The following PTBP3 variants were observed in gnomAD, a reference collection of about 807,000 sequenced individuals.
PTBP3 encodes polypyrimidine tract-binding protein 3.
Under a neutral mutation model 58.7 loss-of-function variants are expected in PTBP3, and 20 were observed. The ratio of observed to expected loss-of-function variants is 0.34; its 90% confidence interval spans 0.24 to 0.50. The LOEUF (loss-of-function observed/expected upper bound fraction) is 0.50, where lower values mean the gene tolerates loss of function less well. PTBP3 is among the 20% of genes least tolerant of loss of function. PTBP3 has a pLI of 0.98. For synonymous variants in PTBP3, 185 were observed against 219.8 expected, an observed-to-expected ratio of 0.84 and a Z score of 1.40; for missense variants, 509 against 637.2, an observed-to-expected ratio of 0.80 and a Z score of 2.17.
the PTBP3 span, among the ~76,000 whole-genome samples, chr9:112,368,207 G>C: frequency 6.6e-6 from 1 of 152,152 alleles, no homozygotes; most frequent in African/African-American, 2.4e-5. Flanking sequence ...GCGTCATTCT[G>C]TTGCCCAGGC....
rs2132081817 is a variant in PTBP3, at chr9:112,252,506, G to A, written c.627+172C>T. The A allele has an allele frequency of 5.6e-6, 3 of 532,842 alleles. No individual in the cohort carries two copies. In the South Asian group the frequency reaches 6.3e-5, roughly 11 times the overall value. The allele number at this position is 532,842 out of a possible 1,614,324, so 33.0% of individuals were successfully genotyped here. Reference sequence around the variant, plus strand: ...AGACCGTTTCATATGAAGTAGTAATGATTTTTAGCTTAGAAAAAAAAAACA... The same window carrying A: ...AGACCGTTTCATATGAAGTAGTAATAATTTTTAGCTTAGAAAAAAAAAACA... On this transcript the variant is annotated intron_variant, in intron 6 of 13. Coordinates refer to ENST00000374257, the MANE Select transcript of PTBP3 (RefSeq NM_001163788.4).
At chr9:112,282,674 C>T (rs1827923158) in intron 2 of PTBP3, among the ~76,000 whole-genome samples, 1 of 151,530 alleles carries the variant, frequency 6.6e-6, no homozygotes, top group South Asian at 2.1e-4. Flanking sequence ...GAAATTTTTC[C>T]TCCAGATATT....
chr9:112,302,132 C>T (rs966132856), intron 1 of PTBP3, among the ~76,000 whole-genome samples: 3 of 151,956 alleles, frequency 2.0e-5, no homozygotes, highest in Non-Finnish European at 4.4e-5. Context: ...CATTACAAAA[C>T]GCAGATAACA....
In PTBP3 at chr9:112,287,334, G is replaced by GTTTTTT. The variant is rs34426952; in HGVS notation, c.34+10492_34+10497dup. ...TAAGGCTCTGTTCACTTCTTTTTCA[G>GTTTTTT]TTTTTTGTTTTTTTTTTTTTTTTGA... On this transcript the variant is annotated intron_variant, in intron 2 of 13. Transcript: ENST00000374257. 2.4e-4 allele frequency among the ~76,000 whole-genome samples: 23 copies of GTTTTTT among 96,078 alleles called. 4 individuals carry two copies. The highest frequency in any genetic ancestry group is 3.9e-4 in the South Asian group (1 of 2,588). 63.0% of individuals were successfully genotyped at this position (96,078 alleles called of 152,430 possible). A position where few individuals can be genotyped will look rare whatever the true frequency, so the allele number is the denominator to read the frequency against.
chr9:112,264,682 A>C (rs1486660519), intron 4 of PTBP3, among the ~76,000 whole-genome samples: 2 of 152,210 alleles, frequency 1.3e-5, no homozygotes, highest in African/African-American at 4.8e-5. Context: ...ATTTTTAAAA[A>C]ATTATTGCAT....
At chr9:112,343,238 C>T in the PTBP3 span, among the ~76,000 whole-genome samples, 54 of 145,558 alleles carry the variant, frequency 3.7e-4, no homozygotes, top group African/African-American at 1.3e-3. Context: ...GACTGAGTTT[C>T]GCTCTCGTCA....
intron 1 of PTBP3, among the ~76,000 whole-genome samples, chr9:112,300,857 A>G (rs1345417636): frequency 1.3e-5 from 2 of 152,154 alleles, no homozygotes; most frequent in African/African-American, 4.8e-5. Context: ...AGCACTTGGG[A>G]GGCCAAGGAG....
chr9:112,234,691 T>G, intron 8 of PTBP3, 129 bp downstream of exon 8: 1 of 790,910 alleles, frequency 1.3e-6, no homozygotes, highest in Non-Finnish European at 2.0e-6. Context: ...TCACTACACT[T>G]CTACAGCTGA....
At chr9:112,374,465 C>T in the PTBP3 span, among the ~76,000 whole-genome samples, 1 of 152,176 alleles carries the variant, frequency 6.6e-6, no homozygotes, top group Non-Finnish European at 1.5e-5. Context: ...ATGGGAGAAA[C>T]AGTACCATAT....
chr9:112,308,779 G>C (rs1477424308), intron 1 of PTBP3, among the ~76,000 whole-genome samples: 2 of 152,058 alleles, frequency 1.3e-5, no homozygotes, highest in African/African-American at 4.8e-5. Flanking sequence ...TAAGGAGACT[G>C]TCCTTAGAAA....
the PTBP3 span, among the ~76,000 whole-genome samples, chr9:112,351,169 C>G: frequency 2.6e-5 from 4 of 152,136 alleles, no homozygotes; most frequent in Non-Finnish European, 5.9e-5. Flanking sequence ...TATTTCTGTT[C>G]CAGGATCCCC....
intron 1 of PTBP3, among the ~76,000 whole-genome samples, chr9:112,310,522 G>A (rs1217106628): frequency 8.5e-5 from 13 of 152,056 alleles, no homozygotes; most frequent in Admixed American, 8.5e-4. Flanking sequence ...CAACAAATTC[G>A]ATAAATATTT....
intron 1 of PTBP3, among the ~76,000 whole-genome samples, chr9:112,315,641 C>T (rs1049254525): frequency 6.6e-6 from 1 of 152,074 alleles, no homozygotes; most frequent in Non-Finnish European, 1.5e-5. Flanking sequence ...AGAAATAGAA[C>T]ATCTGAATAA....
rs1834864753 is a variant in PTBP3, at chr9:112,223,287, A to C, written c.*564T>G. ...TTCAAAGAAAACATGCAGGTTTATA[A>C]ATCTGCTTCCAACACAACTCAATGT... On this transcript the variant is annotated 3_prime_UTR_variant, in exon 14 of 14. Transcript: ENST00000374257. 2 of 955,846 alleles carry C rather than the reference A, an allele frequency of 2.1e-6. No homozygotes were observed. Among genetic ancestry groups the C allele is most frequent in the Middle Eastern group, 5.3e-4 (1 of 1,880 alleles). The allele number at this position is 955,846 out of a possible 1,614,324, so 59.2% of individuals were successfully genotyped here.
chr9:112,228,976 C>G (rs78232594), intron 10 of PTBP3, among the ~76,000 whole-genome samples: 123 of 152,296 alleles, frequency 8.1e-4, no homozygotes, highest in African/African-American at 2.8e-3. Context: ...CCTAACTCAT[C>G]TTATTACCCT....
chr9:112,340,581 T>C, the PTBP3 span, among the ~76,000 whole-genome samples: 1 of 152,194 alleles, frequency 6.6e-6, no homozygotes, highest in Non-Finnish European at 1.5e-5. Flanking sequence ...CTTATCTATG[T>C]TTTAAAATCT....
At chr9:112,274,096 G>A (rs1177877352) in intron 3 of PTBP3, among the ~76,000 whole-genome samples, 1 of 152,110 alleles carries the variant, frequency 6.6e-6, no homozygotes, top group Non-Finnish European at 1.5e-5. Context: ...CGATCTAACT[G>A]GCAGGGATGC....
At chr9:112,307,321 C>G (rs1168118086) in intron 1 of PTBP3, among the ~76,000 whole-genome samples, 11 of 151,988 alleles carry the variant, frequency 7.2e-5, no homozygotes, top group Admixed American at 6.6e-5. Context: ...GGGCATGGTA[C>G]CACACACCTG....
chr9:112,379,316 T>C, the PTBP3 span, among the ~76,000 whole-genome samples: 1 of 152,242 alleles, frequency 6.6e-6, no homozygotes, highest in African/African-American at 2.4e-5. Flanking sequence ...CAGTTCCTCG[T>C]GTCTTCCTTC....
Sources: gnomAD v4.1 joint callset for allele counts (sites outside exome capture counted in the v4.1 genomes callset) on GRCh38, gnomAD v4.1.1 for gene constraint, MANE v1.5 for transcripts, NCBI Gene and HGNC (gene_info 2026-07-23, HGNC 2026-07-21) for gene names.